Variants in TYK2 observed in about 807,000 individuals in gnomAD.
TYK2 encodes tyrosine kinase 2.
TYK2 carries 65 observed loss-of-function variants against 130.9 expected under a neutral mutation model. That is an observed-to-expected ratio of 0.50 (90% CI 0.41 to 0.61). TYK2 has a LOEUF of 0.61. Among genes scored for constraint, TYK2 ranks in the 20% least tolerant of loss-of-function variants. The pLI is 0.00. For synonymous variants in TYK2, 647 were observed against 658.9 expected, an observed-to-expected ratio of 0.98 and a Z score of 0.28; for missense variants, 1,378 against 1,610.7, an observed-to-expected ratio of 0.86 and a Z score of 2.47.
chr19:10,371,624 G>T (rs996008707), intron 3 of TYK2, among the ~76,000 whole-genome samples: 1 of 151,616 alleles, frequency 6.6e-6, no homozygotes, highest in East Asian at 1.9e-4. Flanking sequence ...CAACAGGAGC[G>T]AAACTCTGTC....
chr19:10,357,645 C>T, intron 17 of TYK2, 119 bp downstream of exon 17: 1 of 1,415,690 alleles, frequency 7.1e-7, no homozygotes, highest in Non-Finnish European at 9.7e-7. Context: ...TGCTGGTAGC[C>T]CAGAGAGACT....
At position 10,350,707 on chromosome 19, in the gene TYK2, G is replaced by C; in HGVS notation, c.*127C>G. The C allele has an allele frequency of 8.6e-7, 1 of 1,169,026 alleles. No individual in the cohort carries two copies. The highest frequency in any genetic ancestry group is 1.2e-6 in the Non-Finnish European group (1 of 816,830). The allele number at this position is 1,169,026 out of a possible 1,614,324, so 72.4% of individuals were successfully genotyped here. A position where few individuals can be genotyped will look rare whatever the true frequency, so the allele number is the denominator to read the frequency against. On this transcript the variant is annotated 3_prime_UTR_variant, in exon 25 of 25. Coordinates refer to ENST00000525621, the MANE Select transcript of TYK2 (RefSeq NM_003331.5). ...TCACAGAGGTGGGGTCTCTAGACAG[G>C]AGTAAGGCACACGGTGTGGGTGAGG...
Position 10,353,736 on chromosome 19 carries a change from C to A in TYK2, c.2909-90G>T. On this transcript the variant is annotated intron_variant, in intron 20 of 24. Transcript: ENST00000525621. The surrounding 1 kb of genome is among the most constrained non-coding windows in gnomAD (Gnocchi z 6.9). ...GAGCCCAGCAGAGCCCCTCCAAGGT[C>A]GGGAGGGAAGGCCAAGACCCGCGCA... The A allele has an allele frequency of 9.6e-7, 1 of 1,042,242 alleles. No individual in the cohort carries two copies. The highest frequency in any genetic ancestry group is 1.7e-5 in the South Asian group (1 of 57,216). The allele number at this position is 1,042,242 out of a possible 1,614,324, so 64.6% of individuals were successfully genotyped here.
At chr19:10,375,107 T>C (rs2042065918) in intron 3 of TYK2, among the ~76,000 whole-genome samples, 1 of 149,682 alleles carries the variant, frequency 6.7e-6, no homozygotes, top group South Asian at 2.1e-4. Flanking sequence ...AGTTAGAGGC[T>C]GCAATGCGTC....
At chr19:10,373,281 A>C (rs542395210) in intron 3 of TYK2, among the ~76,000 whole-genome samples, 20 of 151,116 alleles carry the variant, frequency 1.3e-4, no homozygotes, top group African/African-American at 4.9e-4. Context: ...CAAGTGATCC[A>C]CCCGCCTTGG....
intron 3 of TYK2, among the ~76,000 whole-genome samples, chr19:10,374,203 T>C (rs2042024063): frequency 6.6e-6 from 1 of 151,586 alleles, no homozygotes; most frequent in Admixed American, 6.6e-5. Context: ...AAGGCGGAGC[T>C]TGCAGTGAGC....
chr19:10,358,532 C>T (rs539878290), intron 15 of TYK2, among the ~76,000 whole-genome samples: 76 of 152,040 alleles, frequency 5.0e-4, no homozygotes, highest in African/African-American at 1.7e-3. Context: ...TAGCTTACTA[C>T]GGCCTCAAAT....
At chr19:10,362,236 C>T in intron 11 of TYK2, 28 bp downstream of exon 11, 1 of 1,613,448 alleles carries the variant, frequency 6.2e-7, no homozygotes. Context: ...ATGCCACATC[C>T]CACCCAGAGG....
intron 17 of TYK2, chr19:10,357,051 C>T (rs954036746): frequency 1.9e-5 from 8 of 430,162 alleles, no homozygotes; most frequent in African/African-American, 1.6e-4. Flanking sequence ...GCCTAGGCTG[C>T]CCTTCCTAGC....
chr19:10,358,403 C>A (rs977216929), intron 15 of TYK2, among the ~76,000 whole-genome samples: 1 of 150,078 alleles, frequency 6.7e-6, no homozygotes, highest in African/African-American at 2.5e-5. Context: ...TGGGCTCAAG[C>A]CTTCCAAGTA....
At chr19:10,375,118 A>G (rs529651927) in intron 3 of TYK2, among the ~76,000 whole-genome samples, 53 of 151,762 alleles carry the variant, frequency 3.5e-4, no homozygotes, top group African/African-American at 1.2e-3. Flanking sequence ...GCAATGCGTC[A>G]TGATTGCACC....
In TYK2 at chr19:10,354,197, G is replaced by T; in HGVS notation, c.2753C>A (p.Pro918Gln). 6.2e-7 allele frequency: 1 copy of T among 1,613,534 alleles called. No homozygotes were observed. Among genetic ancestry groups the T allele is most frequent in the Non-Finnish European group, 8.5e-7 (1 of 1,180,024 alleles). ...FGKVSLYCYDPTNDGTGEMVA... is the reference protein window; with the variant it reads ...FGKVSLYCYDQTNDGTGEMVA... ...CATCTCGCCAGTGCCGTCGTTGGTC[G>T]GATCGTAGCAGTACAAGCTGACCTT... The change falls in exon 20 of 25, where the codon CCG (proline) becomes CAG (glutamine). Residue 918 changes from proline to glutamine, a missense_variant. Physicochemically the swap from Pro to Gln is moderately conservative, Grantham distance 76. Transcript: ENST00000525621.
rs751256969 is a variant in TYK2, at chr19:10,361,760, G to A, written c.1959+10C>T. ...CAGACACACCCCCAGGCCTGGCCCT[G>A]CCCACTCACCAGGGCGATGTCATGG... On this transcript the variant is annotated intron_variant, in intron 13 of 24. Coordinates refer to ENST00000525621, the MANE Select transcript of TYK2 (RefSeq NM_003331.5). This position sits in a 1 kb window ranked among gnomAD's most constrained non-coding sequence, Gnocchi z 4.0. The A allele has an allele frequency of 1.4e-5, 22 of 1,611,724 alleles. No individual in the cohort carries two copies. In the African/African-American group the frequency reaches 2.1e-4, roughly 16 times the overall value.
At chr19:10,357,436 T>C in intron 17 of TYK2, 1 of 689,582 alleles carries the variant, frequency 1.5e-6, no homozygotes, top group East Asian at 2.7e-5. Context: ...AAGCCTTGTC[T>C]GACCCCACTG....
intron 3 of TYK2, among the ~76,000 whole-genome samples, chr19:10,377,838 G>A (rs1431482907): frequency 1.0e-4 from 6 of 58,492 alleles, no homozygotes; most frequent in Admixed American, 3.7e-4. Flanking sequence ...GGATGGATGC[G>A]TGGGTGGATG....
Position 10,358,094 on chromosome 19 carries a change from G to T in TYK2, c.2220C>A (p.Ile740=), listed in dbSNP as rs1218153535. 6.2e-7 allele frequency: 1 copy of T among 1,612,388 alleles called. No homozygotes were observed. The highest frequency in any genetic ancestry group is 8.5e-7 in the Non-Finnish European group (1 of 1,179,570). ...LVHGNVCGRN[I]LLARLGLAEG... is the part of the protein sequence containing the mutation. ...CTGCCAACCCCAGCCGGGCCAGCAG[G>T]ATGTTCCGGCCACACACATTACCAT... The change falls in exon 16 of 25, where the codon ATC becomes ATA. Residue 740 remains isoleucine, a synonymous_variant. Coordinates refer to ENST00000525621, the MANE Select transcript of TYK2 (RefSeq NM_003331.5).
rs368109068 is a variant in TYK2 at position 10,365,723 on chromosome 19, G to A, written c.805C>T (p.Arg269Cys). The A allele has an allele frequency of 5.1e-5, 82 of 1,613,040 alleles. No individual in the cohort carries two copies. In the East Asian group the frequency reaches 5.3e-4, roughly 11 times the overall value. Residue 269 changes from arginine (R) to cysteine (C), a missense_variant, in exon 7 of 25, where the codon CGC becomes TGC. By Grantham distance (180) the Arg-to-Cys change is radical. Coordinates refer to ENST00000525621, the MANE Select transcript of TYK2 (RefSeq NM_003331.5). ...YLATLERLAP[R>C]FGTERVPVCH... ...ACGGGCACACGCTCTGTGCCGAAGC[G>A]GGGTGCCAGCCGCTCGAGTGTGGCT...
At position 10,364,253 on chromosome 19, in the gene TYK2, G is replaced by A. The variant is rs2041542947; in HGVS notation, c.1367+361C>T. Among the ~76,000 whole-genome samples, 1 of 152,168 alleles carries A rather than the reference G, an allele frequency of 6.6e-6. No individual in the cohort carries two copies. Among genetic ancestry groups the A allele is most frequent in the Non-Finnish European group, 1.5e-5 (1 of 68,034 alleles). The stretch of plus-strand genomic sequence containing the variant: ...TGGCCGGGCGTGGTGGCTCATGCCT[G>A]TAATACCAGCACTTTGGGAGGCCGA... On this transcript the variant is annotated intron_variant, in intron 9 of 24. Coordinates refer to ENST00000525621, the MANE Select transcript of TYK2 (RefSeq NM_003331.5). The surrounding 1 kb of genome is among the most constrained non-coding windows in gnomAD (Gnocchi z 4.9).
rs771307226 is a variant in TYK2, at chr19:10,364,377, G to A, written c.1367+237C>T. The stretch of plus-strand genomic sequence containing the variant: ...ATACAAAAATTAGCCTGGCATGGTG[G>A]CGAGTGCCTGTAGTCCCAGGTAGTC... On this transcript the variant is annotated intron_variant, in intron 9 of 24. Coordinates refer to ENST00000525621, the MANE Select transcript of TYK2 (RefSeq NM_003331.5). This position sits in a 1 kb window ranked among gnomAD's most constrained non-coding sequence, Gnocchi z 4.9. 2.6e-5 allele frequency among the ~76,000 whole-genome samples: 4 copies of A among 152,270 alleles called. No homozygotes were observed. The highest frequency in any genetic ancestry group is 3.4e-3 in the Middle Eastern group (1 of 294).
Sources: allele counts gnomAD v4.1 joint callset (sites outside exome capture counted in the v4.1 genomes callset), GRCh38; gene constraint gnomAD v4.1.1; non-coding constraint Gnocchi (gnomAD v3.1); transcripts MANE v1.5; gene names NCBI Gene and HGNC (gene_info 2026-07-23, HGNC 2026-07-21).